ZDHHC21: variants seen among roughly 807,000 people sequenced by gnomAD.
ZDHHC21 encodes the protein zDHHC palmitoyltransferase 21, also known as palmitoyltransferase ZDHHC21.
ZDHHC21 carries 15 observed loss-of-function variants against 34.6 expected under a neutral mutation model. That is an observed-to-expected ratio of 0.43 (90% CI 0.29 to 0.67). The LOEUF is 0.67. Ranked by LOEUF, ZDHHC21 falls within the 30% of genes least tolerant of loss-of-function variation. The pLI is 0.14. For synonymous variants in ZDHHC21, 142 were observed against 101.8 expected, an observed-to-expected ratio of 1.40 and a Z score of -2.38; for missense variants, 344 against 327.7, an observed-to-expected ratio of 1.05 and a Z score of -0.38.
chr9:14,610,147 T>G (rs1823155285), downstream of ZDHHC21, among the ~76,000 whole-genome samples: 1 of 152,032 alleles, frequency 6.6e-6, no homozygotes, highest in South Asian at 2.1e-4. Flanking sequence ...CGGTTTTATT[T>G]TCTATTACAA....
At chr9:14,603,090 T>C in the ZDHHC21 span, among the ~76,000 whole-genome samples, 2 of 152,068 alleles carry the variant, frequency 1.3e-5, no homozygotes, top group African/African-American at 4.8e-5. Context: ...TTTTGGGTGA[T>C]TGAATATTCC....
chr9:14,647,737 C>T (rs930579066), intron 7 of ZDHHC21, among the ~76,000 whole-genome samples: 17 of 152,106 alleles, frequency 1.1e-4, no homozygotes, highest in Non-Finnish European at 2.2e-4. Flanking sequence ...TGGCTGCAGT[C>T]TTAGTCACCT....
At chr9:14,595,094 T>C in the ZDHHC21 span, among the ~76,000 whole-genome samples, 3 of 152,312 alleles carry the variant, frequency 2.0e-5, no homozygotes, top group East Asian at 5.8e-4. Flanking sequence ...CATACACTTT[T>C]AAAACTAGTT....
chr9:14,670,432 A>T (rs576562170), intron 5 of ZDHHC21, among the ~76,000 whole-genome samples: 3 of 152,130 alleles, frequency 2.0e-5, no homozygotes, highest in Non-Finnish European at 4.4e-5. Context: ...TGACATGTAA[A>T]ATCATAAAAT....
chr9:14,644,202 T>C (rs1340311442), intron 7 of ZDHHC21, among the ~76,000 whole-genome samples: 1 of 152,212 alleles, frequency 6.6e-6, no homozygotes, highest in Non-Finnish European at 1.5e-5. Context: ...TTTGTGAGCA[T>C]ATAAAAATAG....
At position 14,687,677 on chromosome 9, in the gene ZDHHC21, T is replaced by C. The variant is rs957974923; in HGVS notation, c.-176+2660A>G. Among the ~76,000 whole-genome samples the C allele has an allele frequency of 4.0e-5, 6 of 150,522 alleles. 1 individual carries two copies. Among genetic ancestry groups the C allele is most frequent in the African/African-American group, 1.0e-4 (4 of 39,862 alleles). On this transcript the variant is annotated intron_variant, in intron 2 of 9. Coordinates refer to ENST00000380916, the MANE Select transcript of ZDHHC21 (RefSeq NM_178566.6). ...GTCTGGGTGCCAGAGTAAGGCCCTG[T>C]CTCAAAACAAAACAAAACAAAAGTA...
the ZDHHC21 span, among the ~76,000 whole-genome samples, chr9:14,599,916 C>G: frequency 6.6e-6 from 1 of 152,132 alleles, no homozygotes; most frequent in Non-Finnish European, 1.5e-5. Context: ...ACATGATTAC[C>G]TCAATAGATG....
At chr9:14,593,073 A>G in the ZDHHC21 span, among the ~76,000 whole-genome samples, 1 of 152,160 alleles carries the variant, frequency 6.6e-6, no homozygotes, top group Non-Finnish European at 1.5e-5. Flanking sequence ...GGTTTCAACC[A>G]AATAACTTAA....
the ZDHHC21 span, among the ~76,000 whole-genome samples, chr9:14,602,786 A>T: frequency 0.021 from 3,211 of 152,196 alleles, 53 homozygotes; most frequent in Non-Finnish European, 0.033. Context: ...AGCCAGGCAC[A>T]GTGAATTGCA....
At chr9:14,643,200 A>T (rs960004579) in intron 7 of ZDHHC21, among the ~76,000 whole-genome samples, 2 of 152,234 alleles carry the variant, frequency 1.3e-5, no homozygotes, top group Non-Finnish European at 2.9e-5. Flanking sequence ...GTGAGCCGAG[A>T]TCGTGCCACT....
Position 14,615,820 on chromosome 9 carries a change from T to TA in ZDHHC21, c.*3145dup, listed in dbSNP as rs920499481. ...AGGTCGACAAATGACTTTACTGATG[T>TA]AAAAACATGCTTTAACATACATTTT... is the stretch of plus-strand genomic sequence containing the variant. On this transcript the variant is annotated 3_prime_UTR_variant, in exon 10 of 10. Coordinates refer to ENST00000380916, the MANE Select transcript of ZDHHC21 (RefSeq NM_178566.6). The TA allele has an allele frequency of 2.0e-5, 3 of 151,708 alleles. No homozygotes were observed. The highest frequency in any genetic ancestry group is 6.6e-5 in the Admixed American group (1 of 15,178). 9.4% of individuals were successfully genotyped at this position (151,708 alleles called of 1,614,324 possible).
chr9:14,683,025 C>T (rs892499530), intron 2 of ZDHHC21, among the ~76,000 whole-genome samples: 2 of 152,190 alleles, frequency 1.3e-5, no homozygotes, highest in Admixed American at 6.5e-5. Flanking sequence ...CTCTGGGACA[C>T]ATTCAAACCA....
At chr9:14,681,963 T>C (rs938460013) in intron 2 of ZDHHC21, among the ~76,000 whole-genome samples, 2 of 151,966 alleles carry the variant, frequency 1.3e-5, no homozygotes, top group African/African-American at 4.8e-5. Context: ...GAAGGAGAAA[T>C]AAAATCCTTT....
At chr9:14,591,766 ACT>A in the ZDHHC21 span, among the ~76,000 whole-genome samples, 1 of 152,190 alleles carries the variant, frequency 6.6e-6, no homozygotes, top group South Asian at 2.1e-4. Context: ...AGTAAAAGTT[ACT>A]GATATAAAAT....
At chr9:14,656,944 A>G (rs1291694136) in intron 7 of ZDHHC21, among the ~76,000 whole-genome samples, 1 of 151,964 alleles carries the variant, frequency 6.6e-6, no homozygotes, top group Non-Finnish European at 1.5e-5. Flanking sequence ...CTTAATAAAC[A>G]TTTACTATGC....
rs146753089 is a variant in ZDHHC21, at chr9:14,658,845, C to T, written c.408G>A (p.Leu136=). ...GAAGTTCAGTGTAGAAACACAACTGCAGAAAGAGCCAATGATTATCTTCAC... is the reference window on the plus strand; with the variant it reads ...GAAGTTCAGTGTAGAAACACAACTGTAGAAAGAGCCAATGATTATCTTCAC... ...CVGEDNHWLF[L]QLCFYTELLT... The change falls in exon 7 of 10, where the codon CTG becomes CTA. Residue 136 remains leucine (L), a synonymous_variant. Coordinates refer to ENST00000380916, the MANE Select transcript of ZDHHC21 (RefSeq NM_178566.6). 52 of 1,612,836 alleles carry T rather than the reference C, an allele frequency of 3.2e-5. No homozygotes were observed. The African/African-American group carries it at 6.3e-4, about 19-fold the overall frequency.
chr9:14,610,168 T>C (rs1160031847), downstream of ZDHHC21, among the ~76,000 whole-genome samples: 1 of 152,038 alleles, frequency 6.6e-6, no homozygotes, highest in Admixed American at 6.6e-5. Flanking sequence ...TAAATACTGA[T>C]AAACATAACT....
intron 7 of ZDHHC21, among the ~76,000 whole-genome samples, chr9:14,644,192 T>C (rs1829885564): frequency 6.6e-6 from 1 of 152,212 alleles, no homozygotes; most frequent in South Asian, 2.1e-4. Context: ...TAAAGGTTTG[T>C]TTGTGAGCAT....
chr9:14,617,057 G>GA lies in ZDHHC21; in HGVS notation c.*1908dup, dbSNP rs1824337604. On this transcript the variant is annotated 3_prime_UTR_variant, in exon 10 of 10. Coordinates refer to ENST00000380916, the MANE Select transcript of ZDHHC21 (RefSeq NM_178566.6). ...TTTTCTCAAGGTCTTTATTTGAAAG[G>GA]AATGTATACAATATAAGGCATTCAA... The GA allele has an allele frequency of 6.6e-6, 1 of 151,434 alleles. No homozygotes were observed. 9.4% of individuals were successfully genotyped at this position (151,434 alleles called of 1,614,324 possible). A position where few individuals can be genotyped will look rare whatever the true frequency, so the allele number is the denominator to read the frequency against.
Sources: gnomAD v4.1 joint callset for allele counts (sites outside exome capture counted in the v4.1 genomes callset) on GRCh38, gnomAD v4.1.1 for gene constraint, MANE v1.5 for transcripts, NCBI Gene and HGNC (gene_info 2026-07-23, HGNC 2026-07-21) for gene names.